MED12L: variants seen among roughly 807,000 people sequenced by gnomAD.
MED12L encodes the protein mediator of RNA polymerase II transcription subunit 12-like protein.
A neutral mutation model predicts 281.3 loss-of-function variants in MED12L; 60 were observed. That is an observed-to-expected ratio of 0.21 (90% CI 0.17 to 0.26). The LOEUF is 0.26. Ranked by LOEUF, MED12L falls within the 10% of genes least tolerant of loss-of-function variation. The pLI, the probability that MED12L is intolerant of heterozygous loss-of-function variation, is 1.00. For missense variants in MED12L, 2,146 were observed against 2,680.9 expected, an observed-to-expected ratio of 0.80 and a Z score of 4.41; for synonymous variants, 974 against 987.2, an observed-to-expected ratio of 0.99 and a Z score of 0.25.
chr3:151,161,982 G>A (rs1409112154), intron 8 of MED12L, among the ~76,000 whole-genome samples: 1 of 152,192 alleles, frequency 6.6e-6, no homozygotes, highest in Admixed American at 6.6e-5. Flanking sequence ...ATGTCGAGGA[G>A]TGATGGAGAA....
At chr3:151,237,476 A>G (rs570138306) in intron 16 of MED12L, among the ~76,000 whole-genome samples, 6 of 148,560 alleles carry the variant, frequency 4.0e-5, no homozygotes, top group Admixed American at 6.8e-5. Flanking sequence ...CCGCCTCCCA[A>G]GTAGCTGGGA....
rs1163806176 is a variant in MED12L, at chr3:151,085,779, C to G, written c.-287C>G. ...GTCGCTCGCCGCCCCCAGACAGTGG[C>G]AAACTTCGCGGCGTTCCCGGAGCTC... is the stretch of plus-strand genomic sequence containing the variant. On this transcript the variant is annotated 5_prime_UTR_variant, in exon 1 of 45. Transcript: ENST00000687756. 6.6e-6 allele frequency: 1 copy of G among 152,080 alleles called. No homozygotes were observed. Among genetic ancestry groups the G allele is most frequent in the Non-Finnish European group, 1.5e-5 (1 of 67,992 alleles). 9.4% of individuals were successfully genotyped at this position (152,080 alleles called of 1,614,324 possible).
At chr3:151,339,503 C>T (rs759031259) in intron 16 of MED12L, among the ~76,000 whole-genome samples, 1 of 150,854 alleles carries the variant, frequency 6.6e-6, no homozygotes. Context: ...CTCACTCATT[C>T]AAAGATTGGC....
intron 39 of MED12L, among the ~76,000 whole-genome samples, chr3:151,401,613 T>G (rs1560128064): frequency 6.6e-6 from 1 of 152,206 alleles, no homozygotes; most frequent in Non-Finnish European, 1.5e-5. Flanking sequence ...AATTTCCTGA[T>G]CATATAAATA....
chr3:151,248,246 C>T (rs954404154), intron 16 of MED12L, among the ~76,000 whole-genome samples: 1 of 152,038 alleles, frequency 6.6e-6, no homozygotes, highest in African/African-American at 2.4e-5. Context: ...AAAACAGCAA[C>T]TATGAGACCT....
At chr3:151,273,187 A>T (rs1393077653) in intron 16 of MED12L, among the ~76,000 whole-genome samples, 5 of 151,604 alleles carry the variant, frequency 3.3e-5, no homozygotes, top group Admixed American at 3.3e-4. Flanking sequence ...TTGGGAAAGA[A>T]GATGATGCTG....
chr3:151,244,333 C>T (rs1734881791), intron 16 of MED12L, among the ~76,000 whole-genome samples: 2 of 123,950 alleles, frequency 1.6e-5, no homozygotes, highest in Non-Finnish European at 1.8e-5. Flanking sequence ...AGCACCACAC[C>T]ACACCTATTC....
intron 16 of MED12L, among the ~76,000 whole-genome samples, chr3:151,341,658 T>C (rs1751842292): frequency 6.6e-6 from 1 of 151,976 alleles, no homozygotes; most frequent in African/African-American, 2.4e-5. Context: ...ACATGTGCCA[T>C]GCTGGTGTGC....
At chr3:151,224,110 T>A (rs535221923) in intron 16 of MED12L, among the ~76,000 whole-genome samples, 1 of 150,418 alleles carries the variant, frequency 6.6e-6, no homozygotes, top group South Asian at 2.1e-4. Context: ...TTTAAATTAT[T>A]TCATAATTAG....
In MED12L at chr3:151,116,332, G is replaced by A; in HGVS notation, c.100-6G>A. The A allele has an allele frequency of 6.2e-7, 1 of 1,603,902 alleles. No individual in the cohort carries two copies. The highest frequency in any genetic ancestry group is 8.5e-7 in the Non-Finnish European group (1 of 1,171,794). ...TTCTGCTTAATCAATACCGTCTCTT[G>A]AACAGGATGAACTTACTGCTGTGAA... is the stretch of plus-strand genomic sequence containing the variant. On this transcript the variant is annotated splice_region_variant and splice_polypyrimidine_tract_variant and intron_variant, in intron 2 of 44. Coordinates refer to ENST00000687756, the MANE Select transcript of MED12L (RefSeq NM_001393769.1).
intron 40 of MED12L, among the ~76,000 whole-genome samples, 165 bp downstream of exon 40, chr3:151,409,497 T>C (rs1421406074): frequency 2.0e-5 from 3 of 152,268 alleles, no homozygotes; most frequent in Non-Finnish European, 4.4e-5. Context: ...TGATCAGGAT[T>C]GTTGAAGTCT....
intron 4 of MED12L, among the ~76,000 whole-genome samples, chr3:151,124,945 A>C (rs930871545): frequency 9.2e-5 from 14 of 152,316 alleles, no homozygotes; most frequent in African/African-American, 3.1e-4. Flanking sequence ...TTGCTTAGCA[A>C]ACAGAGGATG....
At chr3:151,109,774 G>A (rs1711586838) in intron 2 of MED12L, among the ~76,000 whole-genome samples, 1 of 152,174 alleles carries the variant, frequency 6.6e-6, no homozygotes, top group Admixed American at 6.5e-5. Context: ...CTTCCCAACA[G>A]TTATTAAAAG....
At chr3:151,206,769 C>T (rs1193432455) in intron 16 of MED12L, among the ~76,000 whole-genome samples, 7 of 148,486 alleles carry the variant, frequency 4.7e-5, no homozygotes, top group Admixed American at 2.0e-4. Flanking sequence ...CTCAGCCTCC[C>T]GAGTAGCTGG....
At chr3:151,228,883 G>T (rs976163573) in intron 16 of MED12L, among the ~76,000 whole-genome samples, 4 of 152,106 alleles carry the variant, frequency 2.6e-5, no homozygotes, top group African/African-American at 9.7e-5. Flanking sequence ...CCTATTCCCT[G>T]GGGCCAGGCA....
chr3:151,344,703 T>A (rs780033480), intron 16 of MED12L, among the ~76,000 whole-genome samples: 1 of 152,212 alleles, frequency 6.6e-6, no homozygotes, highest in Non-Finnish European at 1.5e-5. Context: ...GAAGGACAAT[T>A]ACATCCACTT....
intron 5 of MED12L, among the ~76,000 whole-genome samples, chr3:151,132,573 T>C (rs889148317): frequency 1.3e-5 from 2 of 152,206 alleles, no homozygotes; most frequent in Non-Finnish European, 2.9e-5. Flanking sequence ...GTGGTAACTT[T>C]GATGATTTGG....
rs549573175 is a variant in MED12L, at chr3:151,291,633, TC to T, written c.2251-58423del. Among the ~76,000 whole-genome samples the T allele has an allele frequency of 1.9e-3, 285 of 152,312 alleles. 1 individual carries two copies. Among genetic ancestry groups the T allele is most frequent in the African/African-American group, 6.6e-3 (275 of 41,586 alleles). ...TTTTGGATTTCAAATTTTAGATTAT[TC>T]CCAAAAGCCAGTTTTGAAAAAGCAA... On this transcript the variant is annotated intron_variant, in intron 16 of 44. Coordinates refer to ENST00000687756, the MANE Select transcript of MED12L (RefSeq NM_001393769.1).
intron 11 of MED12L, among the ~76,000 whole-genome samples, chr3:151,171,502 A>G (rs1468061658): frequency 2.0e-5 from 3 of 152,198 alleles, no homozygotes; most frequent in Non-Finnish European, 2.9e-5. Context: ...GAAAAGATGG[A>G]ACCGGCTGCA....
Sources: gnomAD v4.1 joint callset for allele counts (sites outside exome capture counted in the v4.1 genomes callset) on GRCh38, gnomAD v4.1.1 for gene constraint, MANE v1.5 for transcripts, NCBI Gene and HGNC (gene_info 2026-07-23, HGNC 2026-07-21) for gene names.